Variants in HS3ST5 observed in about 807,000 individuals in gnomAD.
The protein encoded by HS3ST5 is heparan sulfate-glucosamine 3-sulfotransferase 5.
A neutral mutation model predicts 25.4 loss-of-function variants in HS3ST5; 10 were observed. The observed-to-expected ratio is 0.39, with a 90% confidence interval of 0.24 to 0.67. The LOEUF is 0.67. HS3ST5 is among the 30% of genes least tolerant of loss of function. HS3ST5 has a pLI of 0.44. For missense variants in HS3ST5, 324 were observed against 420.7 expected, an observed-to-expected ratio of 0.77 and a Z score of 2.01; for synonymous variants, 170 against 162.4, an observed-to-expected ratio of 1.05 and a Z score of -0.36.
chr6:114,306,256 T>TATATATATAC (rs756494412), intron 1 of HS3ST5, among the ~76,000 whole-genome samples: 1 of 115,414 alleles, frequency 8.7e-6, no homozygotes, highest in African/African-American at 3.0e-5. Context: ...TATATATATA[T>TATATATATAC]ACACACACAC....
intron 3 of HS3ST5, among the ~76,000 whole-genome samples, chr6:114,147,005 G>T (rs1027844620): frequency 8.5e-5 from 13 of 152,166 alleles, no homozygotes; most frequent in African/African-American, 3.1e-4. Context: ...TCACTGGTAT[G>T]GATCAGGGAC....
At chr6:114,060,615 G>A (rs1773054638) in intron 4 of HS3ST5, among the ~76,000 whole-genome samples, 1 of 152,148 alleles carries the variant, frequency 6.6e-6, no homozygotes, top group African/African-American at 2.4e-5. Context: ...GAAGAATTGA[G>A]GAAACAGTCA....
At chr6:114,233,616 T>C (rs1438002838) in intron 1 of HS3ST5, among the ~76,000 whole-genome samples, 2 of 152,232 alleles carry the variant, frequency 1.3e-5, no homozygotes, top group Non-Finnish European at 2.9e-5. Context: ...TGTTTGCTAT[T>C]TTCATGGTCA....
At chr6:114,063,514 GAAAA>G (rs369347111) in intron 3 of HS3ST5, among the ~76,000 whole-genome samples, 1 of 98,480 alleles carries the variant, frequency 1.0e-5, no homozygotes, top group Non-Finnish European at 2.1e-5. Flanking sequence ...ACCTGTCTCA[GAAAA>G]AAAAAAAAAA....
At chr6:114,058,979 A>G (rs1772939991) in intron 4 of HS3ST5, 1 of 152,248 alleles carries the variant, frequency 6.6e-6, no homozygotes, top group South Asian at 2.1e-4. Flanking sequence ...TCAAGCCCTC[A>G]TTGCCAAGCC....
intron 1 of HS3ST5, among the ~76,000 whole-genome samples, chr6:114,270,256 A>C (rs1162884618): frequency 1.3e-5 from 2 of 152,196 alleles, no homozygotes; most frequent in Non-Finnish European, 2.9e-5. Context: ...ATGACAAAAT[A>C]AGTAATTTAA....
intron 1 of HS3ST5, among the ~76,000 whole-genome samples, chr6:114,299,561 G>A (rs1045853587): frequency 6.6e-6 from 1 of 152,018 alleles, no homozygotes; most frequent in African/African-American, 2.4e-5. Context: ...TGTCTCCCCC[G>A]GATGCCCAGC....
intron 3 of HS3ST5, among the ~76,000 whole-genome samples, chr6:114,091,946 G>A (rs1775141593): frequency 6.6e-6 from 1 of 152,178 alleles, no homozygotes; most frequent in South Asian, 2.1e-4. Flanking sequence ...AATGCTGTCT[G>A]AGATAAGTGG....
intron 1 of HS3ST5, among the ~76,000 whole-genome samples, chr6:114,245,522 A>G (rs1369508248): frequency 3.3e-5 from 5 of 152,200 alleles, no homozygotes; most frequent in African/African-American, 1.2e-4. Context: ...AGAATAGACA[A>G]CAACAGGACA....
intron 3 of HS3ST5, among the ~76,000 whole-genome samples, chr6:114,122,828 A>G (rs562300760): frequency 6.6e-6 from 1 of 152,372 alleles, no homozygotes; most frequent in African/African-American, 2.4e-5. Flanking sequence ...ACAAGATTGT[A>G]ACATTTGATA....
intron 3 of HS3ST5, among the ~76,000 whole-genome samples, chr6:114,077,525 G>C (rs1774206854): frequency 1.3e-5 from 2 of 152,214 alleles, no homozygotes; most frequent in Admixed American, 6.5e-5. Flanking sequence ...GAGTTGGAGA[G>C]GTAACAATTA....
chr6:114,224,675 C>CATAT (rs755195782), intron 2 of HS3ST5, among the ~76,000 whole-genome samples: 59 of 142,050 alleles, frequency 4.2e-4, no homozygotes, highest in Non-Finnish European at 7.1e-4. Flanking sequence ...TTATTTTATA[C>CATAT]ATATATATAT....
At chr6:114,068,668 TTAA>T (rs1773605395) in intron 3 of HS3ST5, among the ~76,000 whole-genome samples, 1 of 152,228 alleles carries the variant, frequency 6.6e-6, no homozygotes, top group African/African-American at 2.4e-5. Flanking sequence ...AACAGATATT[TTAA>T]TAATCTTTCA....
intron 4 of HS3ST5, among the ~76,000 whole-genome samples, chr6:114,060,662 G>T (rs887886815): frequency 1.3e-5 from 2 of 152,132 alleles, no homozygotes; most frequent in African/African-American, 4.8e-5. Context: ...TTCTTTCATA[G>T]TACCCTGGCT....
intron 1 of HS3ST5, among the ~76,000 whole-genome samples, chr6:114,322,296 T>C (rs989378432): frequency 1.3e-5 from 2 of 152,182 alleles, no homozygotes; most frequent in Non-Finnish European, 2.9e-5. Context: ...AATAAGTCTG[T>C]GGTAGCCAAC....
At chr6:114,061,645 G>A (rs1333055299) in intron 4 of HS3ST5, among the ~76,000 whole-genome samples, 1 of 152,184 alleles carries the variant, frequency 6.6e-6, no homozygotes, top group African/African-American at 2.4e-5. Context: ...TCTTTCCAGT[G>A]CAAGAATTAA....
chr6:114,114,078 G>T (rs1027620983), intron 3 of HS3ST5, among the ~76,000 whole-genome samples: 1 of 152,134 alleles, frequency 6.6e-6, no homozygotes, highest in Non-Finnish European at 1.5e-5. Flanking sequence ...ATGACAAGTT[G>T]TGGGCTTTCT....
chr6:114,297,810 GC>G (rs1774892349), intron 1 of HS3ST5, among the ~76,000 whole-genome samples: 1 of 152,194 alleles, frequency 6.6e-6, no homozygotes, highest in Non-Finnish European at 1.5e-5. Context: ...TGGCAGCATA[GC>G]CCAAGCTGCC....
At chr6:114,135,667 C>T (rs747905192) in intron 3 of HS3ST5, among the ~76,000 whole-genome samples, 22 of 152,204 alleles carry the variant, frequency 1.4e-4, no homozygotes, top group Non-Finnish European at 5.9e-5. Flanking sequence ...GATGTTTTCT[C>T]CTATTCCACA....
Sources: allele counts gnomAD v4.1 joint callset (sites outside exome capture counted in the v4.1 genomes callset), GRCh38; gene constraint gnomAD v4.1.1; transcripts MANE v1.5; gene names NCBI Gene and HGNC (gene_info 2026-07-23, HGNC 2026-07-21).